Variants in NDUFA10 observed in about 807,000 individuals in gnomAD.
The protein encoded by NDUFA10 is NADH:ubiquinone oxidoreductase subunit A10.
In NDUFA10, 40 loss-of-function variants were observed where a neutral mutation model predicts 47.8. That is an observed-to-expected ratio of 0.84 (90% CI 0.65 to 1.09). The LOEUF is 1.09. NDUFA10 is among the 50% of genes least tolerant of loss of function. The pLI, the probability that NDUFA10 is intolerant of heterozygous loss-of-function variation, is 0.00. For missense variants in NDUFA10, 413 were observed against 451.1 expected (o/e 0.92, Z 0.76); for synonymous variants, 183 against 172.2 (o/e 1.06, Z -0.49).
chr2:239,941,901 C>G (rs79499724), intron 4 of NDUFA10, among the ~76,000 whole-genome samples: 1,661 of 152,230 alleles, frequency 0.011, 35 homozygotes, highest in African/African-American at 0.038. Context: ...TTTTAAATTA[C>G]ATTTAATTTA....
intron 9 of NDUFA10, among the ~76,000 whole-genome samples, chr2:239,988,232 A>T (rs893655031): frequency 6.6e-6 from 1 of 152,228 alleles, no homozygotes; most frequent in Non-Finnish European, 1.5e-5. Context: ...ACCAAAAGAA[A>T]GTTTCAGATG....
intron 9 of NDUFA10, among the ~76,000 whole-genome samples, chr2:239,966,988 T>A: frequency 6.6e-6 from 1 of 151,938 alleles, no homozygotes; most frequent in Non-Finnish European, 1.5e-5. Context: ...CACTGGCCCA[T>A]GCTGTACATC....
At position 239,960,321 on chromosome 2, in the gene NDUFA10, T is replaced by C; in HGVS notation, c.*797A>G. 1 of 985,652 alleles carries C rather than the reference T, an allele frequency of 1.0e-6. No individual in the cohort carries two copies. Among genetic ancestry groups the C allele is most frequent in the Non-Finnish European group, 1.2e-6 (1 of 830,088 alleles). 61.1% of individuals were successfully genotyped at this position (985,652 alleles called of 1,614,324 possible). The stretch of plus-strand genomic sequence containing the variant: ...TTCAACAGAGATGAATAAAGAAATC[T>C]GATTTTCTTTCTCATTTCTCAGTTT... On this transcript the variant is annotated 3_prime_UTR_variant, in exon 10 of 10. Transcript: ENST00000252711.
rs1195519015 is a variant in NDUFA10 at position 239,906,831 on chromosome 2, G to A, written c.295-11517C>T. Among the ~76,000 whole-genome samples the A allele has an allele frequency of 6.6e-6, 1 of 152,202 alleles. No individual in the cohort carries two copies. Among genetic ancestry groups the A allele is most frequent in the Non-Finnish European group, 1.5e-5 (1 of 68,038 alleles). ...TCAATATTGTGAAAATGGCCATACTGCACAAGGTAATTTATAGATTCAATG... is the reference window on the plus strand; with the variant it reads ...TCAATATTGTGAAAATGGCCATACTACACAAGGTAATTTATAGATTCAATG... On this transcript the variant is annotated intron_variant, in intron 4 of 5. Coordinates refer to the NDUFA10 transcript ENST00000419408. This position sits in a 1 kb window ranked among gnomAD's most constrained non-coding sequence, Gnocchi z 4.3.
chr2:239,961,851 G>T (rs117518966), intron 9 of NDUFA10, among the ~76,000 whole-genome samples: 8 of 152,220 alleles, frequency 5.3e-5, no homozygotes, highest in African/African-American at 1.7e-4. Context: ...AGAGGCCAGT[G>T]GGGGGCTGAG....
At chr2:239,898,962 A>G (rs1394419028) in intron 4 of NDUFA10, among the ~76,000 whole-genome samples, 3 of 72,626 alleles carry the variant, frequency 4.1e-5, no homozygotes, top group Non-Finnish European at 9.1e-5. Flanking sequence ...GGGGTGTGGC[A>G]GGGTGTGATG....
chr2:239,969,937 C>T (rs1381154973), intron 9 of NDUFA10, among the ~76,000 whole-genome samples: 1 of 152,156 alleles, frequency 6.6e-6, no homozygotes, highest in Admixed American at 6.5e-5. Flanking sequence ...TGCATGGATA[C>T]ATAAGAGTCC....
At chr2:239,909,952 GAAA>G (rs199519387) in intron 4 of NDUFA10, among the ~76,000 whole-genome samples, 3 of 113,320 alleles carry the variant, frequency 2.6e-5, no homozygotes, top group African/African-American at 6.5e-5. Flanking sequence ...GCAAACATAT[GAAA>G]AAAAAAAAAA....
rs570594235 is a variant in NDUFA10, at chr2:239,977,010, G to A, written c.999+13064C>T. Among the ~76,000 whole-genome samples, 5 of 152,168 alleles carry A rather than the reference G, an allele frequency of 3.3e-5. No homozygotes were observed. The East Asian group carries it at 7.7e-4, about 24-fold the overall frequency. On this transcript the variant is annotated intron_variant, in intron 9 of 9. Coordinates refer to ENST00000252711, the MANE Select transcript of NDUFA10 (RefSeq NM_004544.4). ...CCCAAGAAGAAAAACGAGTTGGCTG[G>A]ACCCCTCCCAGACTCAGGTCTTGGT...
Position 240,025,147 on chromosome 2 carries a change from G to A in NDUFA10, c.75+80C>T, listed in dbSNP as rs371251718. 241 of 1,183,674 alleles carry A rather than the reference G, an allele frequency of 2.0e-4. 2 individuals are homozygous for A. In the African/African-American group the frequency reaches 3.4e-3, roughly 17 times the overall value. The allele number at this position is 1,183,674 out of a possible 1,614,324, so 73.3% of individuals were successfully genotyped here. On this transcript the variant is annotated intron_variant, in intron 1 of 9. Transcript: ENST00000252711. ...CCTGGGAGCCGCCGCCAGAGGCCGG[G>A]GGAGATGTGGAACTGCTCCCCACCC...
Position 239,938,906 on chromosome 2 carries a change from G to A in NDUFA10, c.295-43592C>T, listed in dbSNP as rs146635765. On this transcript the variant is annotated intron_variant, in intron 4 of 5. Transcript: ENST00000419408. ...CAGCCAGAGGGTCAGCGGCCCCCGC[G>A]GACGGCTTGGTTCCTGTTTAGCCGT... 5.9e-5 allele frequency among the ~76,000 whole-genome samples: 9 copies of A among 152,326 alleles called. No homozygotes were observed. In the East Asian group the frequency reaches 1.4e-3, roughly 23 times the overall value.
At chr2:239,940,969 C>A (rs1166795673) in intron 4 of NDUFA10, among the ~76,000 whole-genome samples, 1 of 152,202 alleles carries the variant, frequency 6.6e-6, no homozygotes, top group Non-Finnish European at 1.5e-5. Context: ...TTCTGTGAAC[C>A]ACAGATATTC....
intron 9 of NDUFA10, among the ~76,000 whole-genome samples, chr2:239,972,001 G>C (rs1052917655): frequency 6.6e-6 from 1 of 152,102 alleles, no homozygotes; most frequent in Non-Finnish European, 1.5e-5. Context: ...CCCAGATAAA[G>C]GTGACTCCAA....
At chr2:239,983,301 T>C (rs1023257606) in intron 9 of NDUFA10, among the ~76,000 whole-genome samples, 1 of 152,214 alleles carries the variant, frequency 6.6e-6, no homozygotes, top group African/African-American at 2.4e-5. Context: ...CAGAGGGGCT[T>C]TGTTCATTCA....
At chr2:239,941,262 G>A (rs1442532037) in intron 4 of NDUFA10, among the ~76,000 whole-genome samples, 1 of 152,186 alleles carries the variant, frequency 6.6e-6, no homozygotes, top group African/African-American at 2.4e-5. Flanking sequence ...GATCTCTCAA[G>A]CACAGGGAAT....
intron 4 of NDUFA10, among the ~76,000 whole-genome samples, chr2:239,931,037 A>C (rs1694164895): frequency 6.6e-6 from 1 of 152,146 alleles, no homozygotes; most frequent in Admixed American, 6.5e-5. Context: ...TTAGCTTTTT[A>C]GGGCCGTGGG....
chr2:240,021,708 C>T (rs1025993648), intron 2 of NDUFA10, among the ~76,000 whole-genome samples: 1 of 152,218 alleles, frequency 6.6e-6, no homozygotes, highest in South Asian at 2.1e-4. Flanking sequence ...TGCTGTCATG[C>T]AGGTGCTACA....
chr2:239,936,959 C>CAA (rs370273588), intron 4 of NDUFA10, among the ~76,000 whole-genome samples: 2 of 151,942 alleles, frequency 1.3e-5, no homozygotes, highest in South Asian at 4.2e-4. Flanking sequence ...GACCCTGTCT[C>CAA]AAAAAAATAA....
chr2:240,011,385 A>G (rs1326440615), intron 6 of NDUFA10, among the ~76,000 whole-genome samples: 1 of 152,258 alleles, frequency 6.6e-6, no homozygotes. Context: ...TCAGAAATAT[A>G]GCAGAGCAAA....
Sources: gnomAD v4.1 joint callset for allele counts (sites outside exome capture counted in the v4.1 genomes callset) on GRCh38, gnomAD v4.1.1 for gene constraint, Gnocchi (gnomAD v3.1) non-coding constraint, MANE v1.5 for transcripts, NCBI Gene and HGNC (gene_info 2026-07-23, HGNC 2026-07-21) for gene names.